Variants in HIPK1 observed in about 807,000 individuals in gnomAD.
The protein encoded by HIPK1 is homeodomain-interacting protein kinase 1.
A neutral mutation model predicts 117.1 loss-of-function variants in HIPK1; 28 were observed. The ratio of observed to expected loss-of-function variants is 0.24; its 90% CI spans 0.18 to 0.33. The LOEUF (loss-of-function observed/expected upper bound fraction) is 0.33, where lower values mean the gene tolerates loss of function less well. Ranked by LOEUF, HIPK1 falls within the 10% of genes least tolerant of loss-of-function variation. The pLI, the probability that HIPK1 is intolerant of heterozygous loss-of-function variation, is 1.00. For missense variants in HIPK1, 1,122 were observed against 1,475.1 expected (o/e 0.76, Z 3.92); for synonymous variants, 605 against 562.5 (o/e 1.08, Z -1.07).
At chr1:113,954,877 G>A (rs1037761037) in intron 4 of HIPK1, 107 bp downstream of exon 4, 2 of 1,035,302 alleles carry the variant, frequency 1.9e-6, no homozygotes, top group Non-Finnish European at 1.4e-6. Flanking sequence ...AGGGAAAGGA[G>A]AGGGGGAAGC....
chr1:113,932,886 T>C (rs1197528076), intron 1 of HIPK1, among the ~76,000 whole-genome samples: 1 of 152,230 alleles, frequency 6.6e-6, no homozygotes, highest in Non-Finnish European at 1.5e-5. Flanking sequence ...GCCTCCTCCA[T>C]CTTCCATTCT....
At chr1:113,970,924 A>T (rs1387889287) in intron 14 of HIPK1, among the ~76,000 whole-genome samples, 1 of 152,182 alleles carries the variant, frequency 6.6e-6, no homozygotes, top group Non-Finnish European at 1.5e-5. Context: ...GGAAATAGTG[A>T]ATGCTTCTCA....
Position 113,956,634 on chromosome 1 carries a change from T to C in HIPK1, c.1415T>C (p.Met472Thr), listed in dbSNP as rs747787897. ...CTGAATTTTCTTTGGAAGGTGAATATGTCTACAGACCTGGAGGGAACAGAC... is the reference window on the plus strand; with the variant it reads ...CTGAATTTTCTTTGGAAGGTGAATACGTCTACAGACCTGGAGGGAACAGAC... ...NCLDDMAQVNMSTDLEGTDML... is the reference protein window; with the variant it reads ...NCLDDMAQVNTSTDLEGTDML... Residue 472 changes from methionine to threonine, a missense_variant, in exon 6 of 16, where the codon ATG (methionine) becomes ACG (threonine). Coordinates refer to ENST00000426820, the MANE Select transcript of HIPK1 (RefSeq NM_198268.3). 1.2e-6 allele frequency: 2 copies of C among 1,609,562 alleles called. No homozygotes were observed. The highest frequency in any genetic ancestry group is 1.7e-6 in the Non-Finnish European group (2 of 1,178,500).
chr1:113,940,325 A>G (rs1670564766), intron 1 of HIPK1, 57 bp from the exon 2 acceptor site: 4 of 1,434,316 alleles, frequency 2.8e-6, no homozygotes, highest in Non-Finnish European at 3.8e-6. Context: ...TGTGTTTTAA[A>G]TCTAAGCCTT....
intron 1 of HIPK1, among the ~76,000 whole-genome samples, chr1:113,938,927 A>ATACACACACACAC (rs60152674): frequency 1.7e-5 from 2 of 118,412 alleles, no homozygotes; most frequent in Admixed American, 9.3e-5. Flanking sequence ...AAAAAAAAAA[A>ATACACACACACAC]ATACACACAC....
At chr1:113,936,557 C>T (rs1407890268) in intron 1 of HIPK1, among the ~76,000 whole-genome samples, 2 of 152,162 alleles carry the variant, frequency 1.3e-5, no homozygotes, top group East Asian at 1.9e-4. Flanking sequence ...CTCTGCCTCC[C>T]GGATTCAAGT....
chr1:113,969,155 A>G (rs984835089), intron 13 of HIPK1, among the ~76,000 whole-genome samples: 1 of 152,232 alleles, frequency 6.6e-6, no homozygotes, highest in Non-Finnish European at 1.5e-5. Flanking sequence ...GGATTCACAC[A>G]TGAAAGTAAC....
chr1:113,939,106 G>A (rs1438103330), intron 1 of HIPK1, among the ~76,000 whole-genome samples: 1 of 151,844 alleles, frequency 6.6e-6, no homozygotes, highest in African/African-American at 2.4e-5. Context: ...AACCCCATGA[G>A]GTAGGTATTG....
chr1:113,948,824 A>C (rs772523166), intron 2 of HIPK1, among the ~76,000 whole-genome samples: 3 of 151,852 alleles, frequency 2.0e-5, no homozygotes, highest in Non-Finnish European at 2.9e-5. Context: ...GACAGTTATC[A>C]TATATTATTG....
intron 11 of HIPK1, among the ~76,000 whole-genome samples, chr1:113,967,166 T>G (rs1672507456): frequency 6.6e-6 from 1 of 152,234 alleles, no homozygotes; most frequent in South Asian, 2.1e-4. Flanking sequence ...CAAATCTTAC[T>G]GTGAACAGTG....
chr1:113,975,929 A>G lies in HIPK1; in HGVS notation c.*2417A>G, dbSNP rs764478256. The G allele has an allele frequency of 2.0e-5, 3 of 152,720 alleles. No homozygotes were observed. The highest frequency in any genetic ancestry group is 6.5e-5 in the Admixed American group (1 of 15,272). The allele number at this position is 152,720 out of a possible 1,614,324, so 9.5% of individuals were successfully genotyped here. On this transcript the variant is annotated 3_prime_UTR_variant, in exon 16 of 16. Transcript: ENST00000426820. ...GATTTGGGGAAAGAAGATTAATCCT[A>G]AAATACAGGTGTGTTCCATCTGAAT...
At chr1:113,956,201 A>G (rs1671712931) in intron 5 of HIPK1, among the ~76,000 whole-genome samples, 1 of 151,308 alleles carries the variant, frequency 6.6e-6, no homozygotes, top group Non-Finnish European at 1.5e-5. Flanking sequence ...CAGCCTCCCA[A>G]GTAGCTGGGA....
intron 2 of HIPK1, chr1:113,951,214 C>T: frequency 3.1e-6 from 3 of 983,090 alleles, no homozygotes; most frequent in Non-Finnish European, 3.6e-6. Flanking sequence ...TCTTTTTGAA[C>T]CCACTTATTG....
intron 14 of HIPK1, among the ~76,000 whole-genome samples, chr1:113,971,300 T>C (rs1363635889): frequency 6.6e-6 from 1 of 152,236 alleles, no homozygotes. Context: ...GAATAAATGC[T>C]CTGGTTTTCC....
chr1:113,957,017 T>C, intron 6 of HIPK1, 107 bp from the exon 7 acceptor site: 1 of 986,188 alleles, frequency 1.0e-6, no homozygotes, highest in Non-Finnish European at 1.5e-6. Context: ...ATTTATTTTA[T>C]CTGAAAGTGA....
At chr1:113,962,980 G>A (rs1311050716) in intron 9 of HIPK1, among the ~76,000 whole-genome samples, 1 of 152,142 alleles carries the variant, frequency 6.6e-6, no homozygotes, top group South Asian at 2.1e-4. Context: ...CGACTAAGAT[G>A]ATAGAGAAAA....
At chr1:113,948,546 T>G (rs765326975) in intron 2 of HIPK1, among the ~76,000 whole-genome samples, 1 of 151,878 alleles carries the variant, frequency 6.6e-6, no homozygotes, top group Non-Finnish European at 1.5e-5. Context: ...AACCGCCGTT[T>G]CTGGCCGTAT....
Position 113,971,047 on chromosome 1 carries a change from A to G in HIPK1, c.3014-777A>G, listed in dbSNP as rs1029029130. On this transcript the variant is annotated intron_variant, in intron 14 of 15. Coordinates refer to ENST00000426820, the MANE Select transcript of HIPK1 (RefSeq NM_198268.3). ...GGGTTGGTGAAGTTTAGGTGTCAAC[A>G]TAAACCTGGGCCATACTTGTATAAA... Among the ~76,000 whole-genome samples, 3 of 152,344 alleles carry G rather than the reference A, an allele frequency of 2.0e-5. No homozygotes were observed. In the South Asian group the frequency reaches 6.2e-4, roughly 32 times the overall value.
intron 1 of HIPK1, among the ~76,000 whole-genome samples, chr1:113,935,508 T>A (rs1432293531): frequency 6.6e-6 from 1 of 152,248 alleles, no homozygotes; most frequent in Non-Finnish European, 1.5e-5. Flanking sequence ...GTCTTTGTGG[T>A]AGAATGATTT....
Sources: allele counts gnomAD v4.1 joint callset (sites outside exome capture counted in the v4.1 genomes callset), GRCh38; gene constraint gnomAD v4.1.1; transcripts MANE v1.5; gene names NCBI Gene and HGNC (gene_info 2026-07-23, HGNC 2026-07-21).